Variants in ELOVL1 observed in about 807,000 individuals in gnomAD.
The protein encoded by ELOVL1 is ELOVL fatty acid elongase 1, also known as very long chain fatty acid elongase 1.
In ELOVL1, 10 loss-of-function variants were observed where a neutral mutation model predicts 37.8. The ratio of observed to expected loss-of-function variants is 0.26; its 90% CI spans 0.16 to 0.45. The LOEUF is 0.45. ELOVL1 is among the 20% of genes least tolerant of loss of function. The pLI, the probability that ELOVL1 is intolerant of heterozygous loss-of-function variation, is 1.00. For missense variants in ELOVL1, 256 were observed against 352.7 expected (o/e 0.73, Z 2.20); for synonymous variants, 133 against 123.8 (o/e 1.07, Z -0.49).
At position 43,365,339 on chromosome 1, in the gene ELOVL1, G is replaced by A. The variant is rs747133232; in HGVS notation, c.84C>T (p.Pro28=). The A allele has an allele frequency of 1.1e-5, 18 of 1,613,364 alleles. No individual in the cohort carries two copies. Among genetic ancestry groups the A allele is most frequent in the African/African-American group, 1.3e-5 (1 of 74,884 alleles). The change falls in exon 3 of 8, where the codon CCC becomes CCT. Residue 28 remains proline, a synonymous_variant. Coordinates refer to ENST00000372458, the MANE Select transcript of ELOVL1 (RefSeq NM_022821.4). ...TCAGGAGAATGGAGGTCATTAGCAA[G>A]GGGGACCCCATCAGAGGGTAGCCCT... The part of the protein sequence containing the change: ...RIQGYPLMGS[P]LLMTSILLTY...
In ELOVL1 at chr1:43,364,664, G is replaced by A; in HGVS notation, c.376-17C>T. 1 of 1,614,114 alleles carries A rather than the reference G, an allele frequency of 6.2e-7. No individual in the cohort carries two copies. Among genetic ancestry groups the A allele is most frequent in the South Asian group, 1.1e-5 (1 of 91,080 alleles). On this transcript the variant is annotated splice_polypyrimidine_tract_variant and intron_variant, in intron 5 of 7. Transcript: ENST00000372458. This position sits in a 1 kb window ranked among gnomAD's most constrained non-coding sequence, Gnocchi z 5.2. ...AAAGATCACCTGAGAGAAGAGTGAG[G>A]GAAGGGGATTCAGAACCTGGGCTTC...
rs768521810 is a variant in ELOVL1 at position 43,364,111 on chromosome 1, G to A, written c.645C>T (p.His215=). ...TGGACATAAAGTAGTACTGGGAGAT[G>A]TGCAGTGAGACCAGGACAAACTGGA... ...QLIQFVLVSL[H]ISQYYFMSSC... is the part of the protein sequence containing the mutation. Residue 215 remains histidine, a synonymous_variant, in exon 8 of 8, where the codon CAC becomes CAT. Coordinates refer to ENST00000372458, the MANE Select transcript of ELOVL1 (RefSeq NM_022821.4). This position sits in a 1 kb window ranked among gnomAD's most constrained non-coding sequence, Gnocchi z 5.2. The A allele has an allele frequency of 9.3e-6, 15 of 1,614,066 alleles. 1 individual carries two copies. The South Asian group carries it at 1.2e-4, about 13-fold the overall frequency.
In ELOVL1 at chr1:43,363,853, C is replaced by T. The variant is rs749358750; in HGVS notation, c.*63G>A. 47 of 1,485,266 alleles carry T rather than the reference C, an allele frequency of 3.2e-5. No homozygotes were observed. The highest frequency in any genetic ancestry group is 2.4e-4 in the South Asian group (21 of 86,736). The allele number at this position is 1,485,266 out of a possible 1,614,324, so 92.0% of individuals were successfully genotyped here. A position where few individuals can be genotyped will look rare whatever the true frequency, so the allele number is the denominator to read the frequency against. On this transcript the variant is annotated 3_prime_UTR_variant, in exon 8 of 8. Coordinates refer to ENST00000372458, the MANE Select transcript of ELOVL1 (RefSeq NM_022821.4). ...CAGGTGTAGGTGGAGAGGGCACTGA[C>T]GGACACTGCCCTAAGGTGCAGTCCT...
In ELOVL1 at chr1:43,364,908, TAGCCCC is replaced by T. The variant is rs754540166; in HGVS notation, c.318+14_318+19del. The T allele has an allele frequency of 5.6e-6, 9 of 1,613,870 alleles. No individual in the cohort carries two copies. The highest frequency in any genetic ancestry group is 7.6e-6 in the Non-Finnish European group (9 of 1,179,940). ...CATATCTACCAGGTTGCTTATGACC[TAGCCCC>T]AGCCCCTACTTACCCTAAGTGCCTC... On this transcript the variant is annotated intron_variant, in intron 4 of 7. Transcript: ENST00000372458. This position sits in a 1 kb window ranked among gnomAD's most constrained non-coding sequence, Gnocchi z 5.2.
Position 43,365,603 on chromosome 1 carries a change from C to T in ELOVL1, c.7G>A (p.Ala3Thr). 6.2e-7 allele frequency: 1 copy of T among 1,614,110 alleles called. No individual in the cohort carries two copies. The highest frequency in any genetic ancestry group is 8.5e-7 in the Non-Finnish European group (1 of 1,180,002). MEAVVNLYQEVMK... is the reference protein window; with the variant it reads METVVNLYQEVMK... ...ACCTCTTGGTACAAGTTCACAACAGCCTCCATCCTGGCTAAGGACTCTGGG... is the reference window on the plus strand; with the variant it reads ...ACCTCTTGGTACAAGTTCACAACAGTCTCCATCCTGGCTAAGGACTCTGGG... Residue 3 changes from alanine (A) to threonine (T), a missense_variant, in exon 2 of 8, where the codon GCT becomes ACT. By Grantham distance (58) the Ala-to-Thr change is moderately conservative. Coordinates refer to ENST00000372458, the MANE Select transcript of ELOVL1 (RefSeq NM_022821.4).
In ELOVL1 at chr1:43,364,979, A is replaced by G; in HGVS notation, c.267T>C (p.Tyr89=). Residue 89 remains tyrosine, a synonymous_variant, in exon 4 of 8, where the codon TAT becomes TAC. Coordinates refer to ENST00000372458, the MANE Select transcript of ELOVL1 (RefSeq NM_022821.4). This position sits in a 1 kb window ranked among gnomAD's most constrained non-coding sequence, Gnocchi z 5.2. ...AGTCCACAGGGTCACAGCGCCAGGT[A>G]TAGGTGCTCAGCCAGCCCGACATCA... ...EFLMSGWLST[Y]TWRCDPVDYS... 2 of 1,613,924 alleles carry G rather than the reference A, an allele frequency of 1.2e-6. No individual in the cohort carries two copies. Among genetic ancestry groups the G allele is most frequent in the East Asian group, 4.5e-5 (2 of 44,868 alleles).
rs1029930312 is a variant in ELOVL1 at position 43,364,413 on chromosome 1, T to C, written c.529A>G (p.Ile177Val). The C allele has an allele frequency of 6.2e-7, 1 of 1,614,162 alleles. No homozygotes were observed. The highest frequency in any genetic ancestry group is 8.5e-7 in the Non-Finnish European group (1 of 1,180,016). Residue 177 changes from isoleucine to valine, a missense_variant, in exon 7 of 8, where the codon ATA becomes GTA. This residue lies in a region of ELOVL1 where 39 missense variants were observed against 89.9 expected (regional missense o/e 0.43). Coordinates refer to ENST00000372458, the MANE Select transcript of ELOVL1 (RefSeq NM_022821.4). The surrounding 1 kb of genome is among the most constrained non-coding windows in gnomAD (Gnocchi z 5.2). ...GATAATCCGTAGTACAGGTACATTA[T>C]GACATGCACGGAAGAGTTTATCATG... ...HAMINSSVHV[I>V]MYLYYGLSAF... is the part of the protein sequence containing the mutation.
Position 43,364,638 on chromosome 1 carries a change from T to G in ELOVL1, c.385A>C (p.Ile129Leu). 6.2e-7 allele frequency: 1 copy of G among 1,614,096 alleles called. No individual in the cohort carries two copies. Among genetic ancestry groups the G allele is most frequent in the South Asian group, 1.1e-5 (1 of 91,072 alleles). Residue 129 changes from isoleucine (I) to leucine (L), a missense_variant, in exon 6 of 8, where the codon ATT becomes CTT. Ile to Leu is a conservative substitution (Grantham distance 5, BLOSUM62 2). Around this residue, in one of 3 missense-constraint regions of ELOVL1, gnomAD observed 158 missense variants for 189.4 expected, o/e 0.83. Coordinates refer to ENST00000372458, the MANE Select transcript of ELOVL1 (RefSeq NM_022821.4). The surrounding 1 kb of genome is among the most constrained non-coding windows in gnomAD (Gnocchi z 5.2). ...ACCTGCCCGTCTTTCTTTCGGAGAA[T>G]AAAGATCACCTGAGAGAAGAGTGAG... ...FIELMDTVIF[I>L]LRKKDGQVTF... is the part of the protein sequence containing the mutation.
chr1:43,364,704 C>T lies in ELOVL1; in HGVS notation c.375+34G>A. The stretch of plus-strand genomic sequence containing the variant: ...ACCTGGGCTTCTCCACCTCATTCTC[C>T]CCTCAAGTTCTCACATCTCATATAA... On this transcript the variant is annotated intron_variant, in intron 5 of 7. Coordinates refer to ENST00000372458, the MANE Select transcript of ELOVL1 (RefSeq NM_022821.4). This position sits in a 1 kb window ranked among gnomAD's most constrained non-coding sequence, Gnocchi z 5.2. The T allele has an allele frequency of 1.2e-6, 2 of 1,614,114 alleles. No homozygotes were observed. The highest frequency in any genetic ancestry group is 1.3e-5 in the African/African-American group (1 of 75,026).
At position 43,364,512 on chromosome 1, in the gene ELOVL1, C is replaced by A. The variant is rs369394965; in HGVS notation, c.481+30G>T. On this transcript the variant is annotated intron_variant, in intron 6 of 7. Transcript: ENST00000372458. This position sits in a 1 kb window ranked among gnomAD's most constrained non-coding sequence, Gnocchi z 5.2. ...AGCAGAGTCCAGCCTCTGGTGCCCA[C>A]CCTTTCCCATAGTGGCCTTCACCAC... is the stretch of plus-strand genomic sequence containing the variant. 31 of 1,613,980 alleles carry A rather than the reference C, an allele frequency of 1.9e-5. No individual in the cohort carries two copies. The highest frequency in any genetic ancestry group is 2.5e-5 in the Non-Finnish European group (29 of 1,180,014).
intron 1 of ELOVL1, chr1:43,367,053 C>G (rs895811876): frequency 3.3e-5 from 5 of 152,548 alleles, no homozygotes; most frequent in Non-Finnish European, 7.3e-5. Context: ...CCCCTCACCT[C>G]CAGGAGGCCC....
chr1:43,364,195 G>C lies in ELOVL1; in HGVS notation c.619-58C>G, dbSNP rs928041093. ...TAGTGAGAGGACTAGAGGGGAAGAGGGGGTAGAGAAAGAGACAAACGTTGA... is the reference window on the plus strand; with the variant it reads ...TAGTGAGAGGACTAGAGGGGAAGAGCGGGTAGAGAAAGAGACAAACGTTGA... On this transcript the variant is annotated intron_variant, in intron 7 of 7. Coordinates refer to ENST00000372458, the MANE Select transcript of ELOVL1 (RefSeq NM_022821.4). The surrounding 1 kb of genome is among the most constrained non-coding windows in gnomAD (Gnocchi z 5.2). 12 of 1,609,934 alleles carry C rather than the reference G, an allele frequency of 7.5e-6. No homozygotes were observed. Among genetic ancestry groups the C allele is most frequent in the African/African-American group, 2.7e-5 (2 of 74,748 alleles).
In ELOVL1 at chr1:43,365,583, T is replaced by C. The variant is rs755573091; in HGVS notation, c.27A>G (p.Gln9=). 2 of 1,613,980 alleles carry C rather than the reference T, an allele frequency of 1.2e-6. No individual in the cohort carries two copies. Among genetic ancestry groups the C allele is most frequent in the Non-Finnish European group, 1.7e-6 (2 of 1,179,998 alleles). MEAVVNLY[Q]EVMKHADPRI... is the part of the protein sequence containing the mutation. ...TCTTACCTGCGTGCTTCATCACCTC[T>C]TGGTACAAGTTCACAACAGCCTCCA... Residue 9 remains glutamine (Q), a synonymous_variant, in exon 2 of 8, where the codon CAA becomes CAG. Coordinates refer to ENST00000372458, the MANE Select transcript of ELOVL1 (RefSeq NM_022821.4).
In ELOVL1 at chr1:43,365,252, C is replaced by G; in HGVS notation, c.171G>C (p.Gln57His). 6.2e-7 allele frequency: 1 copy of G among 1,614,184 alleles called. No homozygotes were observed. Among genetic ancestry groups the G allele is most frequent in the Non-Finnish European group, 8.5e-7 (1 of 1,180,042 alleles). Residue 57 changes from glutamine (Q) to histidine (H), a missense_variant, in exon 3 of 8, where the codon CAG becomes CAC. Gln to His is a conservative substitution (Grantham distance 24, BLOSUM62 0). This residue lies in a region of ELOVL1 where 158 missense variants were observed against 189.4 expected (regional missense o/e 0.83). Coordinates refer to ENST00000372458, the MANE Select transcript of ELOVL1 (RefSeq NM_022821.4). ...PRIMANRKPF[Q>H]LRGFMIVYNF... is the part of the protein sequence containing the mutation. ...TGTAGACAATCATGAAGCCACGGAGCTGGAAGGGCTTCCGATTAGCCATGA... is the reference window on the plus strand; with the variant it reads ...TGTAGACAATCATGAAGCCACGGAGGTGGAAGGGCTTCCGATTAGCCATGA...
chr1:43,365,506 C>T, intron 2 of ELOVL1, 58 bp downstream of exon 2: 3 of 1,613,330 alleles, frequency 1.9e-6, no homozygotes, highest in Non-Finnish European at 1.7e-6. Flanking sequence ...AGAAGACAGC[C>T]GTAGATCCAG....
At position 43,363,519 on chromosome 1, in the gene ELOVL1, G is replaced by C. The variant is rs537318755; in HGVS notation, c.*397C>G. 7.2e-5 allele frequency: 27 copies of C among 374,126 alleles called. No homozygotes were observed. Among genetic ancestry groups the C allele is most frequent in the African/African-American group, 5.2e-4 (25 of 47,936 alleles). 23.2% of individuals were successfully genotyped at this position (374,126 alleles called of 1,614,324 possible). ...CCAGAAGCTACTGCTTCAGTGTGTGGGGTGGAGGAGTGAGACTGGGTCCAC... is the reference window on the plus strand; with the variant it reads ...CCAGAAGCTACTGCTTCAGTGTGTGCGGTGGAGGAGTGAGACTGGGTCCAC... On this transcript the variant is annotated 3_prime_UTR_variant, in exon 8 of 8. Coordinates refer to ENST00000372458, the MANE Select transcript of ELOVL1 (RefSeq NM_022821.4).
chr1:43,364,004 C>CAGAAGTTG lies in ELOVL1; in HGVS notation c.744_751dup (p.Trp251SerfsTer50). 1 of 1,614,140 alleles carries CAGAAGTTG rather than the reference C, an allele frequency of 6.2e-7. No individual in the cohort carries two copies. The highest frequency in any genetic ancestry group is 8.5e-7 in the Non-Finnish European group (1 of 1,180,026). On this transcript the variant is annotated frameshift_variant, in exon 8 of 8. Coordinates refer to ENST00000372458, the MANE Select transcript of ELOVL1 (RefSeq NM_022821.4). LOFTEE classifies it high-confidence loss of function. This position sits in a 1 kb window ranked among gnomAD's most constrained non-coding sequence, Gnocchi z 5.2. ...CTTGCCCTTGGTATAAGAGTGATAC[C>CAGAAGTTG]AGAAGTTGGAGAACAGCATGAAGAA...
At chr1:43,367,704 G>C (rs1647283814) in intron 1 of ELOVL1, 2 of 152,134 alleles carry the variant, frequency 1.3e-5, no homozygotes, top group African/African-American at 4.8e-5. Flanking sequence ...AGGCCCGGGT[G>C]TAGGCAAATG....
At position 43,363,826 on chromosome 1, in the gene ELOVL1, C is replaced by T. The variant is rs1209455479; in HGVS notation, c.*90G>A. ...CAGTCCTGACCACATAAGCCTTGGT[C>T]ACAGGTGTAGGTGGAGAGGGCACTG... On this transcript the variant is annotated 3_prime_UTR_variant, in exon 8 of 8. Coordinates refer to ENST00000372458, the MANE Select transcript of ELOVL1 (RefSeq NM_022821.4). 1 of 1,227,166 alleles carries T rather than the reference C, an allele frequency of 8.1e-7. No homozygotes were observed. Among genetic ancestry groups the T allele is most frequent in the Non-Finnish European group, 1.2e-6 (1 of 843,932 alleles). 76.0% of individuals were successfully genotyped at this position (1,227,166 alleles called of 1,614,324 possible).
Sources: gnomAD v4.1 joint callset for allele counts on GRCh38, gnomAD v4.1.1 for gene constraint, gnomAD v4.1.1 regional missense constraint, Gnocchi (gnomAD v3.1) non-coding constraint, MANE v1.5 for transcripts, NCBI Gene and HGNC (gene_info 2026-07-23, HGNC 2026-07-21) for gene names.